GUCY1B1: variants seen among roughly 807,000 people sequenced by gnomAD.
GUCY1B1 encodes the protein guanylate cyclase soluble subunit beta-1.
In GUCY1B1, 43 loss-of-function variants were observed where a neutral mutation model predicts 71.0. The observed-to-expected ratio is 0.61, with a 90% CI of 0.47 to 0.78. The LOEUF (loss-of-function observed/expected upper bound fraction) is 0.78, where lower values mean the gene tolerates loss of function less well. Ranked by LOEUF, GUCY1B1 falls within the 30% of genes least tolerant of loss-of-function variation. The pLI is 0.00. For missense variants in GUCY1B1, 535 were observed against 754.1 expected, an observed-to-expected ratio of 0.71 and a Z score of 3.40; for synonymous variants, 266 against 259.7, an observed-to-expected ratio of 1.02 and a Z score of -0.23.
At chr4:155,771,077 T>A (rs940747591) in intron 2 of GUCY1B1, among the ~76,000 whole-genome samples, 2 of 152,098 alleles carry the variant, frequency 1.3e-5, no homozygotes, top group Admixed American at 6.6e-5. Flanking sequence ...TCCAAATATT[T>A]GTGGTAAAAC....
At chr4:155,804,170 T>C (rs1740149660) in intron 11 of GUCY1B1, among the ~76,000 whole-genome samples, 1 of 152,214 alleles carries the variant, frequency 6.6e-6, no homozygotes, top group African/African-American at 2.4e-5. Flanking sequence ...CATAATATGC[T>C]TGAAATTCTT....
chr4:155,773,808 C>T (rs112201090), intron 2 of GUCY1B1, among the ~76,000 whole-genome samples: 16,134 of 152,220 alleles, frequency 0.11, 988 homozygotes, highest in Middle Eastern at 0.19. Context: ...CTGCCTCAGC[C>T]TCCCGAGTAG....
At chr4:155,790,915 C>T (rs1442001959) in intron 5 of GUCY1B1, among the ~76,000 whole-genome samples, 2 of 152,150 alleles carry the variant, frequency 1.3e-5, no homozygotes, top group Admixed American at 6.5e-5. Context: ...CCAGGTGCAT[C>T]GTTAGTTTTC....
intron 2 of GUCY1B1, among the ~76,000 whole-genome samples, chr4:155,769,365 G>A (rs981297735): frequency 6.6e-6 from 1 of 152,098 alleles, no homozygotes; most frequent in African/African-American, 2.4e-5. Flanking sequence ...TTACTTGTTA[G>A]CCAATGAAAG....
intron 8 of GUCY1B1, among the ~76,000 whole-genome samples, chr4:155,798,704 C>T (rs1262467233): frequency 2.0e-5 from 3 of 152,064 alleles, no homozygotes; most frequent in Non-Finnish European, 4.4e-5. Flanking sequence ...ATCCCAGATT[C>T]TCCAAAGACA....
intron 5 of GUCY1B1, among the ~76,000 whole-genome samples, chr4:155,791,154 T>G (rs1290460486): frequency 2.0e-5 from 3 of 150,910 alleles, no homozygotes; most frequent in Non-Finnish European, 3.0e-5. Flanking sequence ...TCACTCTGTC[T>G]CCCAGGCTGG....
Position 155,807,180 on chromosome 4 carries a change from T to C in GUCY1B1, c.*771T>C, listed in dbSNP as rs185143450. On this transcript the variant is annotated 3_prime_UTR_variant, in exon 14 of 14. Coordinates refer to ENST00000264424, the MANE Select transcript of GUCY1B1 (RefSeq NM_000857.5). ...TTACAGAAAGCTGCATTGTTTCACATTGAGCTGTTACATTAGTTCAGGCTA... is the reference window on the plus strand; with the variant it reads ...TTACAGAAAGCTGCATTGTTTCACACTGAGCTGTTACATTAGTTCAGGCTA... 5.3e-5 allele frequency: 8 copies of C among 152,326 alleles called. No homozygotes were observed. The highest frequency in any genetic ancestry group is 1.2e-4 in the African/African-American group (5 of 41,592). The allele number at this position is 152,326 out of a possible 1,614,324, so 9.4% of individuals were successfully genotyped here.
intron 4 of GUCY1B1, among the ~76,000 whole-genome samples, chr4:155,785,789 A>G (rs188746182): frequency 3.3e-5 from 5 of 152,354 alleles, no homozygotes; most frequent in African/African-American, 9.6e-5. Context: ...AGTATTTTTT[A>G]TATTAGATAC....
chr4:155,768,714 G>A (rs1421332049), intron 2 of GUCY1B1, among the ~76,000 whole-genome samples: 1 of 152,064 alleles, frequency 6.6e-6, no homozygotes, highest in East Asian at 1.9e-4. Context: ...TAAAGGATCT[G>A]CTTAAATTCC....
In GUCY1B1 at chr4:155,803,695, C is replaced by T; in HGVS notation, c.1485C>T (p.Ser495=). ...LPEPCIHHAR[S]ICHLALDMME... ...AGCCATGCATTCACCATGCACGATC[C>T]ATCTGCCACCTGGCCTTGGACATGA... The change falls in exon 11 of 14, where the codon TCC becomes TCT. Residue 495 remains serine (S), a synonymous_variant. Coordinates refer to ENST00000264424, the MANE Select transcript of GUCY1B1 (RefSeq NM_000857.5). 1 of 1,603,548 alleles carries T rather than the reference C, an allele frequency of 6.2e-7. No individual in the cohort carries two copies. The highest frequency in any genetic ancestry group is 8.5e-7 in the Non-Finnish European group (1 of 1,174,558).
At chr4:155,805,046 C>T (rs1365649414) in intron 12 of GUCY1B1, 57 bp from the exon 13 acceptor site, 4 of 1,468,858 alleles carry the variant, frequency 2.7e-6, no homozygotes, top group Non-Finnish European at 3.8e-6. Flanking sequence ...TACATGTCAC[C>T]TTCTCTATAA....
intron 4 of GUCY1B1, among the ~76,000 whole-genome samples, chr4:155,786,186 G>A (rs1443108206): frequency 6.6e-6 from 1 of 151,340 alleles, no homozygotes; most frequent in Non-Finnish European, 1.5e-5. Flanking sequence ...AAGCACATTG[G>A]TACATTGATT....
intron 2 of GUCY1B1, among the ~76,000 whole-genome samples, chr4:155,766,415 C>T (rs1351144629): frequency 6.6e-6 from 1 of 152,144 alleles, no homozygotes; most frequent in Non-Finnish European, 1.5e-5. Context: ...TATTCATCAC[C>T]TCACATAGGC....
chr4:155,807,112 A>G lies in GUCY1B1; in HGVS notation c.*703A>G, dbSNP rs1236939802. 3 of 152,208 alleles carry G rather than the reference A, an allele frequency of 2.0e-5. No homozygotes were observed. The East Asian group carries it at 5.8e-4, about 29-fold the overall frequency. The allele number at this position is 152,208 out of a possible 1,614,324, so 9.4% of individuals were successfully genotyped here. On this transcript the variant is annotated 3_prime_UTR_variant, in exon 14 of 14. Transcript: ENST00000264424. The stretch of plus-strand genomic sequence containing the variant: ...ATTCTTCTAAAATGCTATCATTTGT[A>G]ACTGTATCCCCTGTATTAAATCTCA...
At chr4:155,787,376 G>A (rs977124815) in intron 4 of GUCY1B1, among the ~76,000 whole-genome samples, 1 of 152,148 alleles carries the variant, frequency 6.6e-6, no homozygotes, top group Non-Finnish European at 1.5e-5. Context: ...ATAATTGTGG[G>A]GAAGGAAACA....
intron 5 of GUCY1B1, 86 bp from the exon 6 acceptor site, chr4:155,793,770 G>C: frequency 3.0e-6 from 2 of 655,796 alleles, no homozygotes; most frequent in South Asian, 3.9e-5. Flanking sequence ...TCTAAATGCA[G>C]TATTCATAAC....
intron 4 of GUCY1B1, among the ~76,000 whole-genome samples, chr4:155,778,521 A>G (rs3796571): frequency 0.36 from 54,204 of 152,134 alleles, 9,867 homozygotes; most frequent in Middle Eastern, 0.52. Flanking sequence ...ACTACTTTCA[A>G]TCCAGCTGCA....
Position 155,795,437 on chromosome 4 carries a change from GT to G in GUCY1B1, c.828del (p.Phe276LeufsTer3). 2.0e-6 allele frequency: 3 copies of G among 1,515,298 alleles called. No homozygotes were observed. The highest frequency in any genetic ancestry group is 1.1e-5 in the South Asian group (1 of 88,480). 93.9% of individuals were successfully genotyped at this position (1,515,298 alleles called of 1,614,324 possible). ...TGGGATCCTTTCTCACATCAATACT[GT>G]TTTTGTATTGAGAAGCAAGGTAATC... The part of the protein sequence containing the change: ...FHGILSHINT[V>X]FVLRSKEGLL... On this transcript the variant is annotated frameshift_variant, in exon 7 of 14. Coordinates refer to ENST00000264424, the MANE Select transcript of GUCY1B1 (RefSeq NM_000857.5). LOFTEE classifies it high-confidence loss of function.
At chr4:155,761,918 A>C (rs1484049763) in intron 2 of GUCY1B1, among the ~76,000 whole-genome samples, 1 of 152,178 alleles carries the variant, frequency 6.6e-6, no homozygotes, top group East Asian at 1.9e-4. Context: ...GCAAGGGAAA[A>C]AGTGTTAGTC....
Sources: allele counts gnomAD v4.1 joint callset (sites outside exome capture counted in the v4.1 genomes callset), GRCh38; gene constraint gnomAD v4.1.1; transcripts MANE v1.5; gene names NCBI Gene and HGNC (gene_info 2026-07-23, HGNC 2026-07-21).